The following IL5RA variants were observed in gnomAD, a reference collection of about 807,000 sequenced individuals.
IL5RA encodes the protein interleukin 5 receptor subunit alpha, also known as interleukin-5 receptor subunit alpha.
IL5RA carries 49 observed loss-of-function variants against 50.0 expected under a neutral mutation model. That is an observed-to-expected ratio of 0.98 (90% CI 0.78 to 1.24). IL5RA has a LOEUF of 1.24. IL5RA is among the 50% of genes most tolerant of loss of function. The pLI, the probability that IL5RA is intolerant of heterozygous loss-of-function variation, is 0.00. For synonymous variants in IL5RA, 202 were observed against 174.0 expected (o/e 1.16, Z -1.26); for missense variants, 600 against 500.4 (o/e 1.20, Z -1.90).
chr3:3,070,719 A>T (rs1366770452), intron 11 of IL5RA, among the ~76,000 whole-genome samples: 1 of 151,322 alleles, frequency 6.6e-6, no homozygotes. Flanking sequence ...AGTAGCTGGG[A>T]CTACAAGTAC....
At chr3:3,085,835 C>T (rs3804800) in intron 9 of IL5RA, among the ~76,000 whole-genome samples, 31,156 of 151,982 alleles carry the variant, frequency 0.2, 3,369 homozygotes, top group Admixed American at 0.24. Flanking sequence ...GCTCAAACTC[C>T]GACAGGAAAG....
intron 3 of IL5RA, among the ~76,000 whole-genome samples, chr3:3,103,475 A>G (rs1703753323): frequency 6.6e-6 from 1 of 152,232 alleles, no homozygotes; most frequent in Non-Finnish European, 1.5e-5. Flanking sequence ...TTTCCACTAC[A>G]TAAAGGTAGT....
Position 3,077,572 on chromosome 3 carries a change from C to A in IL5RA, c.995-945G>T, listed in dbSNP as rs868442244. 2.1e-4 allele frequency among the ~76,000 whole-genome samples: 32 copies of A among 152,292 alleles called. No homozygotes were observed. The Middle Eastern group carries it at 0.017, about 81-fold the overall frequency. ...TCATTTGAGGCCAGGAGTTTGAAAC[C>A]AGCCTGGCCACCATGGTGAAATCCC... is the stretch of plus-strand genomic sequence containing the variant. On this transcript the variant is annotated intron_variant, in intron 9 of 11. Transcript: ENST00000446632.
At chr3:3,080,944 C>T (rs1252658428) in intron 9 of IL5RA, among the ~76,000 whole-genome samples, 1 of 152,202 alleles carries the variant, frequency 6.6e-6, no homozygotes, top group Non-Finnish European at 1.5e-5. Context: ...AATTCTCCCA[C>T]TTTGGCCTCC....
chr3:3,086,761 C>T (rs751940958), intron 9 of IL5RA, among the ~76,000 whole-genome samples: 1 of 152,146 alleles, frequency 6.6e-6, no homozygotes, highest in South Asian at 2.1e-4. Context: ...AGACACCTAA[C>T]GTGCATGTTT....
intron 2 of IL5RA, among the ~76,000 whole-genome samples, chr3:3,107,935 T>C (rs924174410): frequency 2.2e-4 from 34 of 152,224 alleles, no homozygotes; most frequent in African/African-American, 7.5e-4. Context: ...CCTCTTTTTT[T>C]TCCCAACTTA....
At chr3:3,098,097 A>G in intron 6 of IL5RA, 40 bp from the exon 7 acceptor site, 1 of 1,613,940 alleles carries the variant, frequency 6.2e-7, no homozygotes, top group Non-Finnish European at 8.5e-7. Flanking sequence ...GGTTGCAGGA[A>G]ACAACCATTT....
intron 3 of IL5RA, among the ~76,000 whole-genome samples, chr3:3,104,293 C>A (rs1051385981): frequency 1.3e-5 from 2 of 152,214 alleles, no homozygotes; most frequent in Admixed American, 1.3e-4. Context: ...CCTGCCCCGG[C>A]CTCCCAAAGT....
At chr3:3,079,404 C>G (rs538638892) in intron 9 of IL5RA, among the ~76,000 whole-genome samples, 1 of 152,194 alleles carries the variant, frequency 6.6e-6, no homozygotes, top group African/African-American at 2.4e-5. Flanking sequence ...CCTGAAGCCT[C>G]GAAGTCACTT....
intron 11 of IL5RA, among the ~76,000 whole-genome samples, chr3:3,071,051 T>C (rs1702280594): frequency 6.6e-6 from 1 of 152,206 alleles, no homozygotes; most frequent in Non-Finnish European, 1.5e-5. Context: ...TTGGCTATAA[T>C]GAATAGTGCT....
At position 3,092,340 on chromosome 3, in the gene IL5RA, G is replaced by A. The variant is rs1487245098; in HGVS notation, c.878C>T (p.Ala293Val). 1.2e-6 allele frequency: 2 copies of A among 1,613,282 alleles called. No individual in the cohort carries two copies. The highest frequency in any genetic ancestry group is 2.2e-5 in the East Asian group (1 of 44,894). The change falls in exon 9 of 12, where the codon GCA becomes GTA. Residue 293 changes from alanine to valine, a missense_variant. Ala to Val is a moderately conservative substitution (Grantham distance 64, BLOSUM62 0). Coordinates refer to ENST00000446632, the MANE Select transcript of IL5RA (RefSeq NM_175726.4). This position sits in a 1 kb window ranked among gnomAD's most constrained non-coding sequence, Gnocchi z 4.2. ...YLQIEKLMTN[A>V]FISIIDDLSK... ...AAGATCATCAATTATTGAGATGAATGCATTGGTCATCAATTTTTCTATCTA... is the reference window on the plus strand; with the variant it reads ...AAGATCATCAATTATTGAGATGAATACATTGGTCATCAATTTTTCTATCTA...
chr3:3,105,686 T>A (rs1396439207), intron 2 of IL5RA: 1 of 141,346 alleles, frequency 7.1e-6, no homozygotes, highest in Non-Finnish European at 1.5e-5. Flanking sequence ...GTGATAGACC[T>A]GGGGAAAATA....
intron 9 of IL5RA, chr3:3,090,133 T>C: frequency 7.1e-7 from 1 of 1,413,638 alleles, no homozygotes; most frequent in Non-Finnish European, 9.9e-7. Context: ...GTATTTAGCA[T>C]AGTGCTTGGC....
intron 2 of IL5RA, among the ~76,000 whole-genome samples, chr3:3,106,566 AT>A (rs1459819755): frequency 6.6e-6 from 1 of 152,174 alleles, no homozygotes; most frequent in African/African-American, 2.4e-5. Flanking sequence ...TAAAAAAAAA[AT>A]GAAACGATGA....
chr3:3,103,413 T>C (rs1297348466), intron 3 of IL5RA, among the ~76,000 whole-genome samples: 2 of 152,234 alleles, frequency 1.3e-5, no homozygotes, highest in Non-Finnish European at 2.9e-5. Flanking sequence ...AAAAATAGAA[T>C]AGAAAATATC....
intron 9 of IL5RA, among the ~76,000 whole-genome samples, chr3:3,077,938 C>A (rs1014230557): frequency 1.3e-5 from 2 of 152,102 alleles, no homozygotes; most frequent in Admixed American, 6.5e-5. Flanking sequence ...TCATTAATTC[C>A]TTTATTCATC....
rs759867054 is a variant in IL5RA, at chr3:3,074,882, AG to A, written c.1092-17del. ...TAAATGACATCTGAAAACAGAGTAAAGAAGGAATTAGGTGAGCATGAGTATA... is the reference window on the plus strand; with the variant it reads ...TAAATGACATCTGAAAACAGAGTAAAAAGGAATTAGGTGAGCATGAGTATA... On this transcript the variant is annotated splice_polypyrimidine_tract_variant and intron_variant, in intron 10 of 11. Transcript: ENST00000446632. 2.6e-5 allele frequency: 40 copies of A among 1,510,806 alleles called. 1 individual carries two copies. Among genetic ancestry groups the A allele is most frequent in the Non-Finnish European group, 3.4e-5 (37 of 1,087,026 alleles). The allele number at this position is 1,510,806 out of a possible 1,614,324, so 93.6% of individuals were successfully genotyped here. A position where few individuals can be genotyped will look rare whatever the true frequency, so the allele number is the denominator to read the frequency against.
At chr3:3,083,131 G>C (rs377130288) in intron 9 of IL5RA, among the ~76,000 whole-genome samples, 2 of 152,298 alleles carry the variant, frequency 1.3e-5, no homozygotes, top group African/African-American at 4.8e-5. Flanking sequence ...AGTTGGAGGG[G>C]AGAATGGCAT....
intron 11 of IL5RA, among the ~76,000 whole-genome samples, chr3:3,071,664 A>C (rs1353828033): frequency 6.8e-6 from 1 of 147,542 alleles, no homozygotes. Context: ...ATCTCAGCTC[A>C]CTGCAACCTC....
Sources: allele counts gnomAD v4.1 joint callset (sites outside exome capture counted in the v4.1 genomes callset), GRCh38; gene constraint gnomAD v4.1.1; non-coding constraint Gnocchi (gnomAD v3.1); transcripts MANE v1.5; gene names NCBI Gene and HGNC (gene_info 2026-07-23, HGNC 2026-07-21).